The following AKAP13 variants were observed in gnomAD, a reference collection of about 807,000 sequenced individuals.
AKAP13 encodes the protein A-kinase anchor protein 13.
A neutral mutation model predicts 264.5 loss-of-function variants in AKAP13; 80 were observed. The observed-to-expected ratio is 0.30, with a 90% CI of 0.25 to 0.36. The LOEUF (loss-of-function observed/expected upper bound fraction) is 0.36, where lower values mean the gene tolerates loss of function less well. Ranked by LOEUF, AKAP13 falls within the 10% of genes least tolerant of loss-of-function variation. The pLI, the probability that AKAP13 is intolerant of heterozygous loss-of-function variation, is 1.00. For missense variants in AKAP13, 3,712 were observed against 3,435.2 expected (o/e 1.08, Z -2.01); for synonymous variants, 1,380 against 1,250.2 (o/e 1.10, Z -2.19).
At chr15:85,657,547 T>G (rs186998862) in intron 11 of AKAP13, among the ~76,000 whole-genome samples, 1 of 152,334 alleles carries the variant, frequency 6.6e-6, no homozygotes, top group East Asian at 1.9e-4. Context: ...CTCTGGTCTC[T>G]TAGTCAAATG....
At chr15:85,509,894 C>T (rs554424490) in intron 2 of AKAP13, among the ~76,000 whole-genome samples, 6 of 152,298 alleles carry the variant, frequency 3.9e-5, no homozygotes, top group South Asian at 2.1e-4. Context: ...TCACCTCCTC[C>T]GACATGTCAC....
chr15:85,448,317 T>G (rs2073967875), intron 1 of AKAP13, among the ~76,000 whole-genome samples: 1 of 152,160 alleles, frequency 6.6e-6, no homozygotes, highest in Admixed American at 6.5e-5. Context: ...ATTCTGTAGA[T>G]TGTCTACTCT....
rs954136201 is a variant in AKAP13, at chr15:85,585,577, G to T, written c.4040-125G>T. The T allele has an allele frequency of 1.4e-5, 19 of 1,350,696 alleles. No homozygotes were observed. In the Admixed American group the frequency reaches 2.5e-4, roughly 18 times the overall value. The allele number at this position is 1,350,696 out of a possible 1,614,324, so 83.7% of individuals were successfully genotyped here. ...ATGACACTAGCCGCTGACAACAAAA[G>T]AATACTTTTCCATTTTAACGCAAAA... On this transcript the variant is annotated intron_variant, in intron 7 of 36. Coordinates refer to ENST00000394518, the MANE Select transcript of AKAP13 (RefSeq NM_007200.5).
chr15:85,639,269 A>G (rs932130783), intron 8 of AKAP13, 105 bp from the exon 9 acceptor site: 1 of 817,912 alleles, frequency 1.2e-6, no homozygotes, highest in Non-Finnish European at 2.0e-6. Context: ...ACCCTGTATT[A>G]AAGAAAAAGA....
rs1555430016 is a variant in AKAP13 at position 85,442,524 on chromosome 15, TTA to T, written c.-11-43179_-11-43178del. Among the ~76,000 whole-genome samples the T allele has an allele frequency of 3.0e-3, 337 of 113,464 alleles. 2 individuals carry two copies. Among genetic ancestry groups the T allele is most frequent in the South Asian group, 0.011 (41 of 3,724 alleles). The allele number at this position is 113,464 out of a possible 152,430, so 74.4% of individuals were successfully genotyped here. ...TATATTATATATAATATATATTATA[TTA>T]TATATAATATATATTATATATATAT... On this transcript the variant is annotated intron_variant, in intron 1 of 36. Coordinates refer to ENST00000394518, the MANE Select transcript of AKAP13 (RefSeq NM_007200.5).
At chr15:85,675,266 A>G (rs1597013914) in intron 14 of AKAP13, among the ~76,000 whole-genome samples, 1 of 152,210 alleles carries the variant, frequency 6.6e-6, no homozygotes, top group Non-Finnish European at 1.5e-5. Context: ...CACACATTAC[A>G]GTAGTATCTT....
At chr15:85,652,525 TTC>T (rs1409112906) in intron 10 of AKAP13, among the ~76,000 whole-genome samples, 1 of 152,250 alleles carries the variant, frequency 6.6e-6, no homozygotes, top group Non-Finnish European at 1.5e-5. Context: ...TTGGTGTTCA[TTC>T]TGTTTGTCCC....
intron 1 of AKAP13, among the ~76,000 whole-genome samples, chr15:85,441,342 T>A (rs545144843): frequency 1.3e-5 from 2 of 152,296 alleles, no homozygotes; most frequent in East Asian, 3.9e-4. Flanking sequence ...ATTAAAAAAA[T>A]TTACTGTTTT....
chr15:85,683,769 A>G (rs1445732255), intron 15 of AKAP13, among the ~76,000 whole-genome samples: 1 of 152,162 alleles, frequency 6.6e-6, no homozygotes, highest in Non-Finnish European at 1.5e-5. Flanking sequence ...CACCTGCCCC[A>G]AATGCCCAGC....
rs891951104 is a variant in AKAP13 at position 85,412,204 on chromosome 15, G to T, written c.-12+31406G>T. On this transcript the variant is annotated intron_variant, in intron 1 of 36. Transcript: ENST00000394518. ...CAAAACGGTCATTGATACAGTTTCA[G>T]ATTTCACATTGTGACTAACTCTTTA... Among the ~76,000 whole-genome samples the T allele has an allele frequency of 8.5e-5, 13 of 152,182 alleles. 1 individual carries two copies. Among genetic ancestry groups the T allele is most frequent in the Admixed American group, 7.9e-4 (12 of 15,282 alleles).
chr15:85,599,367 A>G (rs1225822986), intron 8 of AKAP13, among the ~76,000 whole-genome samples: 1 of 152,220 alleles, frequency 6.6e-6, no homozygotes, highest in African/African-American at 2.4e-5. Flanking sequence ...TGTGTTCTGT[A>G]GGATTTGAAA....
At chr15:85,731,649 C>CT (rs1380716875) in intron 30 of AKAP13, among the ~76,000 whole-genome samples, 1 of 151,952 alleles carries the variant, frequency 6.6e-6, no homozygotes. Context: ...CTAGTTGTCT[C>CT]TTTTTTTGTG....
chr15:85,690,160 T>A (rs2151630800), intron 16 of AKAP13: 1 of 152,356 alleles, frequency 6.6e-6, no homozygotes, highest in African/African-American at 2.4e-5. Flanking sequence ...AAAGAGCCAG[T>A]GGAGTTGGTT....
chr15:85,461,476 A>C (rs1596255161), intron 1 of AKAP13, among the ~76,000 whole-genome samples: 2 of 152,306 alleles, frequency 1.3e-5, no homozygotes, highest in South Asian at 2.1e-4. Flanking sequence ...GTTAACCCTG[A>C]AAAGTTTGAA....
At chr15:85,535,763 C>G (rs566723482) in intron 4 of AKAP13, 1 of 150,410 alleles carries the variant, frequency 6.6e-6, no homozygotes, top group Admixed American at 6.6e-5. Flanking sequence ...AAGCAAACAT[C>G]TGAAACTTTG....
At chr15:85,622,274 CAGA>C (rs2081227738) in intron 8 of AKAP13, among the ~76,000 whole-genome samples, 1 of 152,080 alleles carries the variant, frequency 6.6e-6, no homozygotes, top group South Asian at 2.1e-4. Flanking sequence ...GGTCTTTAGA[CAGA>C]AGATCTTTTC....
chr15:85,521,773 G>A (rs1338834520), intron 3 of AKAP13, among the ~76,000 whole-genome samples, 198 bp downstream of exon 3: 2 of 152,292 alleles, frequency 1.3e-5, no homozygotes, highest in South Asian at 2.1e-4. Flanking sequence ...GCCATTTTAT[G>A]TATATTACTG....
intron 1 of AKAP13, among the ~76,000 whole-genome samples, chr15:85,412,137 C>G (rs912256654): frequency 8.5e-5 from 13 of 152,126 alleles, no homozygotes; most frequent in Admixed American, 5.9e-4. Context: ...GTAAACGATT[C>G]ATTCAAAGTG....
chr15:85,665,686 A>G (rs773245986), intron 13 of AKAP13, among the ~76,000 whole-genome samples: 10 of 151,974 alleles, frequency 6.6e-5, no homozygotes, highest in South Asian at 2.1e-4. Context: ...CCAGCCCCCT[A>G]CCACACAACA....
Sources: allele counts gnomAD v4.1 joint callset (sites outside exome capture counted in the v4.1 genomes callset), GRCh38; gene constraint gnomAD v4.1.1; transcripts MANE v1.5; gene names NCBI Gene and HGNC (gene_info 2026-07-23, HGNC 2026-07-21).